The following PREX2 variants were observed in gnomAD, a reference collection of about 807,000 sequenced individuals.
PREX2 encodes the protein phosphatidylinositol 3,4,5-trisphosphate-dependent Rac exchanger 2 protein.
In PREX2, 107 loss-of-function variants were observed where a neutral mutation model predicts 203.2. The observed-to-expected ratio is 0.53, with a 90% confidence interval of 0.45 to 0.62. The LOEUF (loss-of-function observed/expected upper bound fraction) is 0.62. Among genes scored for constraint, PREX2 ranks in the 20% least tolerant of loss-of-function variants. The probability of loss-of-function intolerance (pLI) is 0.00; values close to 1 mark genes in which losing one functional copy is unlikely to be tolerated. For synonymous variants in PREX2, 672 were observed against 663.6 expected (o/e 1.01, Z -0.19); for missense variants, 1,777 against 1,955.9 (o/e 0.91, Z 1.72).
chr8:68,196,733 C>A (rs202069022), intron 37 of PREX2, among the ~76,000 whole-genome samples: 1 of 150,672 alleles, frequency 6.6e-6, no homozygotes, highest in African/African-American at 2.5e-5. Flanking sequence ...CTCCCCCCCC[C>A]AACTCTCTCT....
Position 67,952,210 on chromosome 8 carries a change from T to G in PREX2, c.-185T>G. ...GAGCCCCGCGCCCCCCGCGCCGGGATTTCAGCCCGATCCCCTCCTCTCCCT... is the reference window on the plus strand; with the variant it reads ...GAGCCCCGCGCCCCCCGCGCCGGGAGTTCAGCCCGATCCCCTCCTCTCCCT... On this transcript the variant is annotated 5_prime_UTR_variant, in exon 1 of 40. Transcript: ENST00000288368. 1 of 453,062 alleles carries G rather than the reference T, an allele frequency of 2.2e-6. No homozygotes were observed. Among genetic ancestry groups the G allele is most frequent in the East Asian group, 4.2e-5 (1 of 23,858 alleles). The allele number at this position is 453,062 out of a possible 1,614,324, so 28.1% of individuals were successfully genotyped here. A position where few individuals can be genotyped will look rare whatever the true frequency, so the allele number is the denominator to read the frequency against.
chr8:68,186,507 GT>G (rs1013228237), intron 35 of PREX2, among the ~76,000 whole-genome samples: 50 of 152,022 alleles, frequency 3.3e-4, no homozygotes, highest in African/African-American at 1.2e-3. Flanking sequence ...ATATAGCAGG[GT>G]TTTTTTGTTT....
chr8:68,084,559 G>A (rs752776634), intron 18 of PREX2, among the ~76,000 whole-genome samples: 7 of 152,094 alleles, frequency 4.6e-5, no homozygotes, highest in South Asian at 2.1e-4. Context: ...AAGGCAGTGC[G>A]AATTCATTAA....
intron 1 of PREX2, among the ~76,000 whole-genome samples, chr8:67,991,596 A>G (rs1256237087): frequency 5.9e-5 from 9 of 152,286 alleles, no homozygotes; most frequent in Non-Finnish European, 1.2e-4. Flanking sequence ...GCTAACTATC[A>G]TGAGAATAGC....
intron 13 of PREX2, among the ~76,000 whole-genome samples, chr8:68,070,147 A>G (rs1809155708): frequency 6.6e-6 from 1 of 151,828 alleles, no homozygotes; most frequent in Admixed American, 6.6e-5. Context: ...GAAATAATCC[A>G]CTTTCAGTTA....
chr8:68,209,956 CA>C (rs1167093050), intron 37 of PREX2, among the ~76,000 whole-genome samples: 1 of 152,120 alleles, frequency 6.6e-6, no homozygotes, highest in Non-Finnish European at 1.5e-5. Context: ...TATAAAACTG[CA>C]CTAACACAAA....
intron 37 of PREX2, among the ~76,000 whole-genome samples, chr8:68,200,364 C>A (rs1351940909): frequency 6.6e-6 from 1 of 151,786 alleles, no homozygotes; most frequent in East Asian, 1.9e-4. Flanking sequence ...TCAGATGTTC[C>A]CTTCATTATA....
At chr8:68,136,364 A>G (rs953214642) in intron 32 of PREX2, among the ~76,000 whole-genome samples, 2 of 152,204 alleles carry the variant, frequency 1.3e-5, no homozygotes, top group Admixed American at 6.5e-5. Flanking sequence ...CAAGAAACCC[A>G]TAGTCTTTCT....
At chr8:68,202,382 CT>C (rs1267153972) in intron 37 of PREX2, among the ~76,000 whole-genome samples, 1 of 152,100 alleles carries the variant, frequency 6.6e-6, no homozygotes, top group African/African-American at 2.4e-5. Flanking sequence ...GCTCTGGCTG[CT>C]GGGTGAAGGA....
chr8:68,211,171 A>G (rs1439996814), intron 37 of PREX2, among the ~76,000 whole-genome samples: 1 of 148,980 alleles, frequency 6.7e-6, no homozygotes, highest in Admixed American at 6.6e-5. Flanking sequence ...ATCAACTGGG[A>G]CAAACACCTG....
chr8:68,042,698 C>T (rs950082988), intron 7 of PREX2, among the ~76,000 whole-genome samples: 5 of 151,946 alleles, frequency 3.3e-5, no homozygotes, highest in African/African-American at 7.2e-5. Flanking sequence ...TTATAATATG[C>T]AGCATAATTA....
chr8:68,152,634 G>T (rs1811464988), intron 34 of PREX2, among the ~76,000 whole-genome samples: 1 of 152,100 alleles, frequency 6.6e-6, no homozygotes, highest in African/African-American at 2.4e-5. Context: ...ATAAAAGAGA[G>T]GGGGAACAAA....
At chr8:68,219,562 TAG>T (rs1812913724) in intron 38 of PREX2, among the ~76,000 whole-genome samples, 1 of 152,210 alleles carries the variant, frequency 6.6e-6, no homozygotes, top group Non-Finnish European at 1.5e-5. Flanking sequence ...ACATTTGGAA[TAG>T]GTAGCTTTCT....
At chr8:68,087,366 T>A (rs1343047330) in intron 18 of PREX2, among the ~76,000 whole-genome samples, 1 of 152,062 alleles carries the variant, frequency 6.6e-6, no homozygotes, top group Non-Finnish European at 1.5e-5. Context: ...ATGAAAAAAA[T>A]AAGGTAAAAT....
intron 6 of PREX2, among the ~76,000 whole-genome samples, 186 bp downstream of exon 6, chr8:68,030,844 T>C (rs1379806901): frequency 6.6e-6 from 1 of 152,190 alleles, no homozygotes; most frequent in Non-Finnish European, 1.5e-5. Context: ...TGGTGGTTAA[T>C]TGAGTTAACC....
At chr8:67,975,272 G>GTTTTTTTTTTTTTTTTTTTTTTTTTTT (rs75276095) in intron 1 of PREX2, among the ~76,000 whole-genome samples, 1 of 96,822 alleles carries the variant, frequency 1.0e-5, no homozygotes. Flanking sequence ...CACACGGCCT[G>GTTTTTTTTTTTTTTTTTTTTTTTTTTT]TTTTTTTTTT....
At chr8:68,130,510 A>T (rs186629775) in intron 31 of PREX2, among the ~76,000 whole-genome samples, 2 of 152,320 alleles carry the variant, frequency 1.3e-5, no homozygotes, top group Admixed American at 1.3e-4. Context: ...ACGGTGCTAG[A>T]TGCTAAACAA....
rs762274848 is a variant in PREX2, at chr8:68,109,569, G to A, written c.3092G>A (p.Gly1031Asp). 1 of 1,614,022 alleles carries A rather than the reference G, an allele frequency of 6.2e-7. No individual in the cohort carries two copies. Among genetic ancestry groups the A allele is most frequent in the Non-Finnish European group, 8.5e-7 (1 of 1,179,906 alleles). Reference protein sequence around the residue: ...ETQDIYQKLLGKLQTALKEVE... With the variant: ...ETQDIYQKLLDKLQTALKEVE... ...CAAGACATCTATCAGAAACTGCTGGGCAAACTTCAGACTGCACTGAAAGAG... is the reference window on the plus strand; with the variant it reads ...CAAGACATCTATCAGAAACTGCTGGACAAACTTCAGACTGCACTGAAAGAG... The change falls in exon 25 of 40, where the codon GGC becomes GAC. Residue 1031 changes from glycine (G) to aspartate (D), a missense_variant. By Grantham distance (94) the Gly-to-Asp change is moderately conservative. Coordinates refer to ENST00000288368, the MANE Select transcript of PREX2 (RefSeq NM_024870.4).
At position 68,217,633 on chromosome 8, in the gene PREX2, C is replaced by T. The variant is rs776942401; in HGVS notation, c.4622C>T (p.Thr1541Met). Residue 1541 changes from threonine (T) to methionine (M), a missense_variant, in exon 38 of 40, where the codon ACG (threonine) becomes ATG (methionine). Thr to Met is a moderately conservative substitution (Grantham distance 81). Transcript: ENST00000288368. The stretch of plus-strand genomic sequence containing the variant: ...GCCCACAGGTGCACCCTGAGCGTGA[C>T]GCTGGAGCAAGCCATCATTCTGGCC... ...SGVHRCTLSVTLEQAIILARS... is the reference protein window; with the variant it reads ...SGVHRCTLSVMLEQAIILARS... 1.7e-5 allele frequency: 27 copies of T among 1,613,924 alleles called. No individual in the cohort carries two copies. Among genetic ancestry groups the T allele is most frequent in the East Asian group, 2.2e-5 (1 of 44,864 alleles).
Sources: gnomAD v4.1 joint callset for allele counts (sites outside exome capture counted in the v4.1 genomes callset) on GRCh38, gnomAD v4.1.1 for gene constraint, MANE v1.5 for transcripts, NCBI Gene and HGNC (gene_info 2026-07-23, HGNC 2026-07-21) for gene names.